Variants in PPP3CA observed in about 807,000 individuals in gnomAD.
The protein encoded by PPP3CA is protein phosphatase 3 catalytic subunit alpha.
In PPP3CA, 14 loss-of-function variants were observed where a neutral mutation model predicts 66.5. That is an observed-to-expected ratio of 0.21 (90% confidence interval 0.14 to 0.33). The LOEUF (loss-of-function observed/expected upper bound fraction) is 0.33, where lower values mean the gene tolerates loss of function less well. Among genes scored for constraint, PPP3CA ranks in the 10% least tolerant of loss-of-function variants. PPP3CA has a pLI of 1.00. For missense variants in PPP3CA, 317 were observed against 639.5 expected (o/e 0.50, Z 5.44); for synonymous variants, 232 against 226.2 (o/e 1.03, Z -0.23).
intron 1 of PPP3CA, among the ~76,000 whole-genome samples, chr4:101,317,899 A>G (rs1728929135): frequency 6.6e-6 from 1 of 152,194 alleles, no homozygotes; most frequent in Admixed American, 6.5e-5. Flanking sequence ...TCTTCTGTAA[A>G]CTGGAAAAAC....
chr4:101,218,198 G>C (rs1725513080), intron 1 of PPP3CA, among the ~76,000 whole-genome samples: 1 of 151,884 alleles, frequency 6.6e-6, no homozygotes, highest in Admixed American at 6.6e-5. Context: ...GAGGAAGAGA[G>C]AGTTATTAAA....
At chr4:101,292,101 CA>C (rs2110290082) in intron 1 of PPP3CA, among the ~76,000 whole-genome samples, 1 of 150,942 alleles carries the variant, frequency 6.6e-6, no homozygotes, top group South Asian at 2.1e-4. Flanking sequence ...CACACACACA[CA>C]CACACACACA....
chr4:101,042,884 A>G (rs1727592655), intron 10 of PPP3CA, among the ~76,000 whole-genome samples: 1 of 149,588 alleles, frequency 6.7e-6, no homozygotes, highest in African/African-American at 2.5e-5. Flanking sequence ...TATATATTTC[A>G]GTTATTCCAT....
At chr4:101,097,523 C>T (rs968751589) in intron 5 of PPP3CA, among the ~76,000 whole-genome samples, 2 of 151,878 alleles carry the variant, frequency 1.3e-5, no homozygotes, top group Non-Finnish European at 2.9e-5. Flanking sequence ...TAAAATAATT[C>T]CAAGTAATAT....
At chr4:101,067,983 T>C (rs1042412031) in intron 8 of PPP3CA, among the ~76,000 whole-genome samples, 4 of 152,152 alleles carry the variant, frequency 2.6e-5, no homozygotes, top group African/African-American at 9.7e-5. Flanking sequence ...AACCTGTAAC[T>C]GTAATGATTC....
chr4:101,063,052 A>G (rs1728541746), intron 9 of PPP3CA, among the ~76,000 whole-genome samples, 180 bp downstream of exon 9: 1 of 151,524 alleles, frequency 6.6e-6, no homozygotes, highest in African/African-American at 2.4e-5. Context: ...CTCATTCACC[A>G]ATTGTGTCCT....
At chr4:101,281,809 C>T (rs987771250) in intron 1 of PPP3CA, among the ~76,000 whole-genome samples, 3 of 152,288 alleles carry the variant, frequency 2.0e-5, no homozygotes, top group African/African-American at 2.4e-5. Context: ...AAAAAAGCAT[C>T]CTCCCTAAAT....
At chr4:101,298,339 G>T (rs1728259097) in intron 1 of PPP3CA, among the ~76,000 whole-genome samples, 5 of 143,824 alleles carry the variant, frequency 3.5e-5, no homozygotes, top group African/African-American at 1.0e-4. Flanking sequence ...CAAGCAGGGA[G>T]ATATATATAT....
chr4:101,287,911 G>GC, intron 1 of PPP3CA, among the ~76,000 whole-genome samples: 1 of 152,004 alleles, frequency 6.6e-6, no homozygotes, highest in Non-Finnish European at 1.5e-5. Flanking sequence ...ATAAAATACA[G>GC]TTTTCAACAA....
At chr4:101,246,172 T>G (rs893361436) in intron 1 of PPP3CA, among the ~76,000 whole-genome samples, 5 of 152,224 alleles carry the variant, frequency 3.3e-5, no homozygotes, top group African/African-American at 9.6e-5. Context: ...ATGAAGTATT[T>G]TCTTTACTTG....
chr4:101,177,959 C>A (rs1724115398), intron 2 of PPP3CA, among the ~76,000 whole-genome samples: 1 of 152,054 alleles, frequency 6.6e-6, no homozygotes, highest in African/African-American at 2.4e-5. Context: ...CAGAAGGTTT[C>A]AGTGAATATA....
chr4:101,026,592 A>T (rs1337534110), intron 13 of PPP3CA, among the ~76,000 whole-genome samples: 1 of 152,182 alleles, frequency 6.6e-6, no homozygotes, highest in Non-Finnish European at 1.5e-5. Context: ...TAACCGGGGC[A>T]TTTCCATGCC....
At chr4:101,034,290 C>T (rs1010049673) in intron 11 of PPP3CA, among the ~76,000 whole-genome samples, 4 of 152,184 alleles carry the variant, frequency 2.6e-5, no homozygotes, top group African/African-American at 9.7e-5. Flanking sequence ...CCCACTCTGC[C>T]TTCTAATCTT....
At chr4:101,053,404 T>C (rs1442221327) in intron 10 of PPP3CA, among the ~76,000 whole-genome samples, 1 of 152,166 alleles carries the variant, frequency 6.6e-6, no homozygotes, top group African/African-American at 2.4e-5. Flanking sequence ...CTGGTTCTTG[T>C]GCTCTGTCAT....
chr4:101,312,517 T>G lies in PPP3CA; in HGVS notation c.58+34222A>C, dbSNP rs753527167. Among the ~76,000 whole-genome samples, 6 of 152,176 alleles carry G rather than the reference T, an allele frequency of 3.9e-5. No homozygotes were observed. The South Asian group carries it at 1.2e-3, about 31-fold the overall frequency. ...AAAATAAATAAAATACCTAGAATCA[T>G]CTTTTTACATTCTTACAGAACATTC... is the stretch of plus-strand genomic sequence containing the variant. On this transcript the variant is annotated intron_variant, in intron 1 of 13. Transcript: ENST00000394854.
At chr4:101,339,036 A>T (rs553248989) in intron 1 of PPP3CA, among the ~76,000 whole-genome samples, 2 of 152,350 alleles carry the variant, frequency 1.3e-5, no homozygotes, top group South Asian at 4.1e-4. Flanking sequence ...ATCTAAGGAG[A>T]CAGCAGCGTT....
intron 1 of PPP3CA, among the ~76,000 whole-genome samples, chr4:101,346,184 A>AGGGGGAGGG (rs1729985113): frequency 6.8e-6 from 1 of 147,232 alleles, no homozygotes; most frequent in African/African-American, 2.5e-5. Flanking sequence ...AGGCCCTTCC[A>AGGGGGAGGG]GGGGGAGGGG....
At chr4:101,230,193 G>A (rs1024223263) in intron 1 of PPP3CA, among the ~76,000 whole-genome samples, 5 of 151,352 alleles carry the variant, frequency 3.3e-5, no homozygotes, top group African/African-American at 4.8e-5. Context: ...TTAGTCATAC[G>A]TCTAGAAATT....
At chr4:101,260,444 A>G (rs1358059283) in intron 1 of PPP3CA, among the ~76,000 whole-genome samples, 2 of 152,188 alleles carry the variant, frequency 1.3e-5, no homozygotes, top group Non-Finnish European at 2.9e-5. Context: ...TTAAAATAGC[A>G]CATCTGATTT....
Sources: gnomAD v4.1 joint callset for allele counts (sites outside exome capture counted in the v4.1 genomes callset) on GRCh38, gnomAD v4.1.1 for gene constraint, MANE v1.5 for transcripts, NCBI Gene and HGNC (gene_info 2026-07-23, HGNC 2026-07-21) for gene names.